ANO4: variants seen among roughly 807,000 people sequenced by gnomAD.
ANO4 encodes anoctamin-4.
Under a neutral mutation model 141.9 loss-of-function variants are expected in ANO4, and 69 were observed. The observed-to-expected ratio is 0.49, with a 90% CI of 0.40 to 0.59. The LOEUF is 0.59. Among genes scored for constraint, ANO4 ranks in the 20% least tolerant of loss-of-function variants. The probability of loss-of-function intolerance (pLI) is 0.00; values close to 1 mark genes in which losing one functional copy is unlikely to be tolerated. For synonymous variants in ANO4, 350 were observed against 394.3 expected (o/e 0.89, Z 1.33); for missense variants, 894 against 1,162.2 (o/e 0.77, Z 3.36).
upstream of ANO4, chr12:100,794,496 C>G (rs971077110): frequency 2.6e-5 from 4 of 152,228 alleles, no homozygotes; most frequent in African/African-American, 4.8e-5. Flanking sequence ...GGGGGTTGTC[C>G]TGCCGCTCTC....
At chr12:100,922,561 G>A (rs944338153) in intron 3 of ANO4, among the ~76,000 whole-genome samples, 1 of 152,058 alleles carries the variant, frequency 6.6e-6, no homozygotes, top group Admixed American at 6.6e-5. Context: ...AGCTATAACG[G>A]AATGATCAAT....
intron 3 of ANO4, among the ~76,000 whole-genome samples, chr12:100,742,523 T>A (rs577279974): frequency 5.3e-4 from 80 of 152,276 alleles, no homozygotes; most frequent in African/African-American, 1.8e-3. Context: ...TTGCCAGACA[T>A]CCCTTCACAA....
At chr12:100,734,934 C>T (rs186992465) in intron 2 of ANO4, among the ~76,000 whole-genome samples, 23 of 152,280 alleles carry the variant, frequency 1.5e-4, no homozygotes, top group Non-Finnish European at 3.2e-4. Context: ...AAATTTACCA[C>T]ACTAATTGAA....
At chr12:101,054,524 G>C (rs1041587201) in intron 14 of ANO4, among the ~76,000 whole-genome samples, 4 of 152,148 alleles carry the variant, frequency 2.6e-5, no homozygotes, top group Non-Finnish European at 4.4e-5. Flanking sequence ...TTTTGAGACG[G>C]AGTCTCGCTC....
At position 100,976,187 on chromosome 12, in the gene ANO4, T is replaced by C. The variant is rs115866698; in HGVS notation, c.602+1298T>C. On this transcript the variant is annotated intron_variant, in intron 7 of 27. Coordinates refer to ENST00000392977, the MANE Select transcript of ANO4 (RefSeq NM_001286615.2). ...AAACTGGGAAACTAGTAAATTTCTC[T>C]GAAAATCCTAGTTAGTTCAACTCTA... is the stretch of plus-strand genomic sequence containing the variant. Among the ~76,000 whole-genome samples the C allele has an allele frequency of 3.1e-3, 472 of 152,352 alleles. 5 individuals are homozygous for C. The highest frequency in any genetic ancestry group is 0.01 in the African/African-American group (418 of 41,584).
chr12:100,868,184 A>G (rs145006811), intron 1 of ANO4, among the ~76,000 whole-genome samples: 2 of 152,186 alleles, frequency 1.3e-5, no homozygotes, highest in Non-Finnish European at 2.9e-5. Flanking sequence ...CAGCCATAGG[A>G]TGCTATGTGG....
chr12:101,043,422 C>G (rs1206625084), intron 12 of ANO4, 117 bp from the exon 13 acceptor site: 2 of 694,676 alleles, frequency 2.9e-6, no homozygotes, highest in Non-Finnish European at 2.5e-6. Flanking sequence ...AGCTAAGATG[C>G]TTCTAAGGGC....
intron 1 of ANO4, among the ~76,000 whole-genome samples, chr12:100,724,690 G>T (rs1053913492): frequency 1.3e-5 from 2 of 152,094 alleles, no homozygotes; most frequent in African/African-American, 4.8e-5. Flanking sequence ...TTCTACCTAG[G>T]ACCAGCCTGT....
At chr12:100,733,783 T>A (rs974492320) in exon 2 of ANO4, 1 of 701,782 alleles carries the variant, frequency 1.4e-6, no homozygotes, top group Middle Eastern at 2.3e-4. Flanking sequence ...GACAAAGATG[T>A]GAGCAGCGGA....
intron 7 of ANO4, among the ~76,000 whole-genome samples, chr12:100,985,200 T>C (rs78153517): frequency 0.097 from 14,784 of 152,266 alleles, 857 homozygotes; most frequent in Admixed American, 0.18. Flanking sequence ...AAGTCTAATT[T>C]ATGTGTCCAT....
intron 3 of ANO4, among the ~76,000 whole-genome samples, chr12:100,929,481 G>A (rs997820394): frequency 3.9e-5 from 6 of 152,144 alleles, no homozygotes; most frequent in African/African-American, 1.4e-4. Flanking sequence ...ACTGCATTGT[G>A]TATATGTACC....
At chr12:101,058,349 T>A (rs1200097012) in intron 14 of ANO4, among the ~76,000 whole-genome samples, 8 of 152,200 alleles carry the variant, frequency 5.3e-5, no homozygotes, top group African/African-American at 1.9e-4. Context: ...ATATGGGCTC[T>A]TTTTTGGTTC....
At chr12:101,069,036 C>T (rs900744906) in intron 14 of ANO4, 5 of 820,332 alleles carry the variant, frequency 6.1e-6, no homozygotes, top group East Asian at 2.5e-5. Context: ...GTCAAGTTGG[C>T]TAAGGTACAC....
rs115566745 is a variant in ANO4 at position 100,837,436 on chromosome 12, G to A, written c.-141+42409G>A. The stretch of plus-strand genomic sequence containing the variant: ...GAGTTTACACTCCCTATCTGCTATC[G>A]TATCTTTTAAATAGTCTAACAACTG... On this transcript the variant is annotated intron_variant, in intron 1 of 27. Transcript: ENST00000392977. Among the ~76,000 whole-genome samples the A allele has an allele frequency of 4.9e-3, 746 of 152,114 alleles. 9 individuals carry two copies. The highest frequency in any genetic ancestry group is 0.017 in the African/African-American group (703 of 41,514).
intron 1 of ANO4, among the ~76,000 whole-genome samples, chr12:100,874,546 G>C (rs993345841): frequency 6.6e-6 from 1 of 151,982 alleles, no homozygotes; most frequent in African/African-American, 2.4e-5. Context: ...TTGAGACAGA[G>C]TCTCACTCTG....
At chr12:101,068,419 C>A in intron 14 of ANO4, 1 of 928,952 alleles carries the variant, frequency 1.1e-6, no homozygotes, top group Admixed American at 1.7e-5. Context: ...CTGAGTATCT[C>A]GCTGTTTTTA....
chr12:101,062,501 G>A (rs1173963554), intron 14 of ANO4, among the ~76,000 whole-genome samples: 1 of 152,206 alleles, frequency 6.6e-6, no homozygotes, highest in African/African-American at 2.4e-5. Flanking sequence ...GCTTCCCCCA[G>A]GTGCTCTGTC....
intron 6 of ANO4, among the ~76,000 whole-genome samples, chr12:100,973,360 C>T (rs1288345123): frequency 6.6e-6 from 1 of 152,186 alleles, no homozygotes; most frequent in Non-Finnish European, 1.5e-5. Context: ...CGCAAAGAAT[C>T]TTACCTGTAT....
rs1209392187 is a variant in ANO4, at chr12:101,109,486, A to T, written c.2150-918A>T. Among the ~76,000 whole-genome samples, 4 of 151,958 alleles carry T rather than the reference A, an allele frequency of 2.6e-5. No individual in the cohort carries two copies. In the East Asian group the frequency reaches 7.7e-4, roughly 29 times the overall value. On this transcript the variant is annotated intron_variant, in intron 22 of 27. Coordinates refer to ENST00000392977, the MANE Select transcript of ANO4 (RefSeq NM_001286615.2). ...TGAGGCAGGAGAATCACTTGAACCC[A>T]GGAGGCGGAGGTTGCAGTGAGCCGA...
Sources: gnomAD v4.1 joint callset for allele counts (sites outside exome capture counted in the v4.1 genomes callset) on GRCh38, gnomAD v4.1.1 for gene constraint, MANE v1.5 for transcripts, NCBI Gene and HGNC (gene_info 2026-07-23, HGNC 2026-07-21) for gene names.